The following SMOC2 variants were observed in gnomAD, a reference collection of about 807,000 sequenced individuals.
SMOC2 encodes the protein SPARC-related modular calcium-binding protein 2.
Under a neutral mutation model 61.4 loss-of-function variants are expected in SMOC2, and 39 were observed. The ratio of observed to expected loss-of-function variants is 0.64; its 90% CI spans 0.49 to 0.83. The LOEUF (loss-of-function observed/expected upper bound fraction) is 0.83. SMOC2 is among the 40% of genes least tolerant of loss of function. The pLI is 0.00. For missense variants in SMOC2, 556 were observed against 592.9 expected, an observed-to-expected ratio of 0.94 and a Z score of 0.65; for synonymous variants, 247 against 239.9, an observed-to-expected ratio of 1.03 and a Z score of -0.27.
At chr6:168,495,300 G>A (rs919824394) in intron 1 of SMOC2, among the ~76,000 whole-genome samples, 2 of 152,188 alleles carry the variant, frequency 1.3e-5, no homozygotes, top group African/African-American at 4.8e-5. Flanking sequence ...AGGCCCTGTG[G>A]AAAGCCCACC....
rs533957438 is a variant in SMOC2 at position 168,576,420 on chromosome 6, A to T, written c.638-22398A>T. On this transcript the variant is annotated intron_variant, in intron 7 of 12. Transcript: ENST00000356284. ...CGTCCAGTCGGGCAGCAGATGGCTG[A>T]CATCGCAGATCACCTAGGCTCACAC... Among the ~76,000 whole-genome samples, 6 of 152,246 alleles carry T rather than the reference A, an allele frequency of 3.9e-5. No individual in the cohort carries two copies. The East Asian group carries it at 1.2e-3, about 29-fold the overall frequency.
chr6:168,562,973 C>G (rs1295692553), intron 7 of SMOC2, among the ~76,000 whole-genome samples: 1 of 152,228 alleles, frequency 6.6e-6, no homozygotes, highest in African/African-American at 2.4e-5. Context: ...GGAGCAAACA[C>G]AGTCACGTAG....
intron 7 of SMOC2, among the ~76,000 whole-genome samples, chr6:168,552,314 C>T (rs1238141509): frequency 1.3e-5 from 2 of 152,138 alleles, no homozygotes; most frequent in Middle Eastern, 3.4e-3. Context: ...TATACTTTTA[C>T]TTGTAATCAT....
At chr6:168,583,545 G>A (rs760009358) in intron 7 of SMOC2, among the ~76,000 whole-genome samples, 2 of 151,924 alleles carry the variant, frequency 1.3e-5, no homozygotes, top group Non-Finnish European at 2.9e-5. Context: ...CTACAGGGGT[G>A]TGGGTCTGAC....
chr6:168,526,673 C>G (rs765328243), intron 3 of SMOC2, among the ~76,000 whole-genome samples: 6 of 152,150 alleles, frequency 3.9e-5, no homozygotes, highest in Non-Finnish European at 7.3e-5. Flanking sequence ...TTAGTTGGTG[C>G]AGGCATTTAT....
chr6:168,602,167 C>T (rs1406806587), intron 8 of SMOC2, among the ~76,000 whole-genome samples: 2 of 152,116 alleles, frequency 1.3e-5, no homozygotes, highest in African/African-American at 4.8e-5. Flanking sequence ...AGGGGGGTGT[C>T]GGACCCAGAA....
chr6:168,518,490 A>T (rs528032381), intron 2 of SMOC2, among the ~76,000 whole-genome samples: 1 of 74,654 alleles, frequency 1.3e-5, no homozygotes, highest in Non-Finnish European at 4.1e-5. Context: ...TACATATGTG[A>T]GTGTGCATGT....
At chr6:168,496,985 GC>G (rs1388225972) in intron 1 of SMOC2, among the ~76,000 whole-genome samples, 1 of 152,228 alleles carries the variant, frequency 6.6e-6, no homozygotes, top group Admixed American at 6.5e-5. Flanking sequence ...GGAAGATGCG[GC>G]CCCCGGCAAG....
intron 9 of SMOC2, among the ~76,000 whole-genome samples, chr6:168,617,921 A>G (rs911627289): frequency 1.3e-5 from 2 of 152,216 alleles, no homozygotes; most frequent in Non-Finnish European, 2.9e-5. Flanking sequence ...CTGAGGGGCC[A>G]TGCCTCCAGC....
At chr6:168,518,439 C>CT (rs66539943) in intron 2 of SMOC2, among the ~76,000 whole-genome samples, 8,882 of 147,550 alleles carry the variant, frequency 0.06, 446 homozygotes, top group East Asian at 0.24. Context: ...GCATGTGTGA[C>CT]TGTGAATGTG....
intron 1 of SMOC2, among the ~76,000 whole-genome samples, chr6:168,496,882 G>A (rs1021210875): frequency 2.6e-5 from 4 of 152,236 alleles, no homozygotes; most frequent in East Asian, 3.9e-4. Context: ...AAAGGCTGTC[G>A]AAAATTCAAA....
chr6:168,487,608 G>A (rs933737644), intron 1 of SMOC2, among the ~76,000 whole-genome samples: 25 of 152,050 alleles, frequency 1.6e-4, no homozygotes, highest in African/African-American at 6.0e-4. Context: ...GGATTGAAGC[G>A]ATTCTACTGC....
At chr6:168,448,209 T>C (rs1781373686) in intron 1 of SMOC2, among the ~76,000 whole-genome samples, 1 of 152,206 alleles carries the variant, frequency 6.6e-6, no homozygotes, top group East Asian at 1.9e-4. Context: ...TTTCAAATTC[T>C]CTGCCATGAA....
intron 7 of SMOC2, among the ~76,000 whole-genome samples, chr6:168,592,496 G>T (rs1301988870): frequency 4.1e-5 from 2 of 49,298 alleles, no homozygotes; most frequent in African/African-American, 6.5e-5. Flanking sequence ...AGAGGATCGC[G>T]GAGCTCCTCC....
Position 168,441,381 on chromosome 6 carries a change from C to A in SMOC2, c.11C>A (p.Pro4His). Residue 4 changes from proline (P) to histidine (H), a missense_variant, in exon 1 of 13, where the codon CCC becomes CAC. Coordinates refer to ENST00000356284, the MANE Select transcript of SMOC2 (RefSeq NM_001166412.2). MLL[P>H]QLCWLPLLAG... ...GCCACCTCCGCCACCATGCTGCTCC[C>A]CCAGCTCTGCTGGCTGCCGCTGCTC... The A allele has an allele frequency of 6.6e-7, 1 of 1,507,724 alleles. No homozygotes were observed. The highest frequency in any genetic ancestry group is 1.2e-5 in the South Asian group (1 of 80,916). The allele number at this position is 1,507,724 out of a possible 1,614,324, so 93.4% of individuals were successfully genotyped here. A position where few individuals can be genotyped will look rare whatever the true frequency, so the allele number is the denominator to read the frequency against.
chr6:168,462,504 G>T (rs1018160429), intron 1 of SMOC2, among the ~76,000 whole-genome samples: 2 of 151,906 alleles, frequency 1.3e-5, no homozygotes, highest in Non-Finnish European at 2.9e-5. Flanking sequence ...GCTCCAGGAG[G>T]GTGGTCCCCT....
chr6:168,526,197 G>T, intron 2 of SMOC2, 149 bp from the exon 3 acceptor site: 1 of 652,068 alleles, frequency 1.5e-6, no homozygotes, highest in Non-Finnish European at 2.7e-6. Flanking sequence ...TCCCTTTTCT[G>T]AGAGCTGAGC....
intron 1 of SMOC2, among the ~76,000 whole-genome samples, chr6:168,447,883 G>A (rs1781365294): frequency 6.6e-6 from 1 of 152,018 alleles, no homozygotes; most frequent in Non-Finnish European, 1.5e-5. Context: ...CCTGCGTCAG[G>A]GTGTTTTGTT....
At position 168,466,392 on chromosome 6, in the gene SMOC2, C is replaced by G. The variant is rs557978003; in HGVS notation, c.84+24938C>G. 4.6e-5 allele frequency among the ~76,000 whole-genome samples: 7 copies of G among 152,324 alleles called. No homozygotes were observed. The South Asian group carries it at 1.5e-3, about 32-fold the overall frequency. On this transcript the variant is annotated intron_variant, in intron 1 of 12. Transcript: ENST00000356284. The stretch of plus-strand genomic sequence containing the variant: ...TGGGGTGCTCTGGATGCCGCTCCCA[C>G]AGCTGGAGTCCTGCTCTCGTGCCCT...
Sources: allele counts gnomAD v4.1 joint callset (sites outside exome capture counted in the v4.1 genomes callset), GRCh38; gene constraint gnomAD v4.1.1; transcripts MANE v1.5; gene names NCBI Gene and HGNC (gene_info 2026-07-23, HGNC 2026-07-21).